Variants in USP54 observed in about 807,000 individuals in gnomAD.
USP54 encodes the protein ubiquitin specific peptidase 54, also known as ubiquitin carboxyl-terminal hydrolase 54.
USP54 carries 87 observed loss-of-function variants against 170.5 expected under a neutral mutation model. That is an observed-to-expected ratio of 0.51 (90% CI 0.43 to 0.61). USP54 has a LOEUF of 0.61. Among genes scored for constraint, USP54 ranks in the 20% least tolerant of loss-of-function variants. The probability of loss-of-function intolerance (pLI) is 0.00; values close to 1 mark genes in which losing one functional copy is unlikely to be tolerated. For missense variants in USP54, 1,786 were observed against 2,047.8 expected (o/e 0.87, Z 2.47); for synonymous variants, 655 against 742.8 (o/e 0.88, Z 1.92).
intron 3 of USP54, among the ~76,000 whole-genome samples, chr10:73,574,800 A>C (rs2133818746): frequency 6.6e-6 from 1 of 150,546 alleles, no homozygotes; most frequent in Admixed American, 6.6e-5. Context: ...TCAAGGCTGC[A>C]GGAGCTGTGA....
At chr10:73,565,206 G>T (rs2073998152) in intron 4 of USP54, among the ~76,000 whole-genome samples, 1 of 152,006 alleles carries the variant, frequency 6.6e-6, no homozygotes, top group Non-Finnish European at 1.5e-5. Flanking sequence ...ATGGTTGTTT[G>T]TTACCACAAT....
intron 1 of USP54, among the ~76,000 whole-genome samples, chr10:73,618,406 C>T (rs898046170): frequency 2.0e-5 from 3 of 150,096 alleles, no homozygotes; most frequent in South Asian, 4.1e-4. Context: ...GGACTATAGG[C>T]GCATGCTGCC....
At chr10:73,526,124 G>T (rs540782227) in intron 16 of USP54, among the ~76,000 whole-genome samples, 51 of 152,294 alleles carry the variant, frequency 3.3e-4, no homozygotes, top group African/African-American at 1.2e-3. Context: ...TCCCACAAGG[G>T]CTCCCTCCAG....
At chr10:73,534,921 T>C (rs1400493588) in intron 11 of USP54, 151 bp from the exon 12 acceptor site, 2 of 664,900 alleles carry the variant, frequency 3.0e-6, no homozygotes, top group Non-Finnish European at 4.9e-6. Flanking sequence ...AAGCCATTCT[T>C]CCCAACACCC....
At chr10:73,526,488 C>G (rs2062886327) in intron 16 of USP54, among the ~76,000 whole-genome samples, 159 bp downstream of exon 16, 1 of 152,212 alleles carries the variant, frequency 6.6e-6, no homozygotes, top group Admixed American at 6.5e-5. Flanking sequence ...CTCAGGCAAT[C>G]TGCCTGCCTC....
At chr10:73,562,403 C>T (rs996771060) in intron 4 of USP54, among the ~76,000 whole-genome samples, 2 of 152,198 alleles carry the variant, frequency 1.3e-5, no homozygotes, top group African/African-American at 4.8e-5. Context: ...CTACCCTCCA[C>T]CTTCTACAGA....
At chr10:73,565,325 T>C (rs1343496501) in intron 4 of USP54, among the ~76,000 whole-genome samples, 1 of 151,998 alleles carries the variant, frequency 6.6e-6, no homozygotes, top group Non-Finnish European at 1.5e-5. Flanking sequence ...AAAACCAGCC[T>C]AGGCAACATA....
intron 1 of USP54, among the ~76,000 whole-genome samples, chr10:73,620,215 A>G (rs2080974191): frequency 6.7e-6 from 1 of 149,782 alleles, no homozygotes; most frequent in African/African-American, 2.5e-5. Flanking sequence ...CAGGAGGCTG[A>G]GACAGGAGAA....
chr10:73,620,884 G>A (rs1430911329), intron 1 of USP54, among the ~76,000 whole-genome samples: 2 of 150,314 alleles, frequency 1.3e-5, no homozygotes, highest in East Asian at 1.9e-4. Flanking sequence ...GGTCGGATGC[G>A]GTGGCTCACC....
At chr10:73,604,691 C>T (rs998513016) in intron 1 of USP54, among the ~76,000 whole-genome samples, 38 of 151,370 alleles carry the variant, frequency 2.5e-4, no homozygotes, top group Non-Finnish European at 3.8e-4. Flanking sequence ...CCCTGATTCA[C>T]GCCATTCTCC....
rs758519835 is a variant in USP54 at position 73,620,361 on chromosome 10, T to C, written c.-18+5206A>G. Among the ~76,000 whole-genome samples, 46 of 149,992 alleles carry C rather than the reference T, an allele frequency of 3.1e-4. 2 individuals are homozygous for C. Among genetic ancestry groups the C allele is most frequent in the Non-Finnish European group, 5.0e-4 (34 of 67,964 alleles). ...AAAAGAAAGTTCTCTAGGCTTTAGT[T>C]TCCTCAATATAAAATGAATAGAATG... On this transcript the variant is annotated intron_variant, in intron 1 of 22. Transcript: ENST00000339859.
At position 73,543,557 on chromosome 10, in the gene USP54, G is replaced by A. The variant is rs12244131; in HGVS notation, c.376-426C>T. Among the ~76,000 whole-genome samples, 1,500 of 152,122 alleles carry A rather than the reference G, an allele frequency of 9.9e-3. 27 individuals are homozygous for A. Among genetic ancestry groups the A allele is most frequent in the African/African-American group, 0.033 (1,380 of 41,498 alleles). ...AATTTTTTGTATTTTTAGTAGAGAC[G>A]AGGTTTCACCGTGTTAGCCAGGATG... is the stretch of plus-strand genomic sequence containing the variant. On this transcript the variant is annotated intron_variant, in intron 5 of 23. Coordinates refer to ENST00000687698, the MANE Select transcript of USP54 (RefSeq NM_001391956.1).
At chr10:73,555,803 T>C (rs2070830836) in intron 4 of USP54, among the ~76,000 whole-genome samples, 1 of 152,196 alleles carries the variant, frequency 6.6e-6, no homozygotes, top group Non-Finnish European at 1.5e-5. Context: ...GTCTAAACTG[T>C]AGGATCTGCC....
intron 1 of USP54, among the ~76,000 whole-genome samples, chr10:73,580,777 C>T (rs1263020294): frequency 6.6e-6 from 1 of 152,042 alleles, no homozygotes; most frequent in African/African-American, 2.4e-5. Flanking sequence ...TGGTGTTTCA[C>T]CATGTTGACC....
rs781115418 is a variant in USP54 at position 73,530,428 on chromosome 10, T to C, written c.1543A>G (p.Met515Val). 5.6e-6 allele frequency: 9 copies of C among 1,614,092 alleles called. No homozygotes were observed. The East Asian group carries it at 2.0e-4, about 36-fold the overall frequency. The change falls in exon 14 of 24, where the codon ATG (methionine) becomes GTG (valine). Residue 515 changes from methionine to valine, a missense_variant. Met to Val is a conservative substitution (Grantham distance 21). Coordinates refer to ENST00000687698, the MANE Select transcript of USP54 (RefSeq NM_001391956.1). Reference sequence around the variant, plus strand: ...GCCAGGGATGGTCTGTTATGGATCATATTGCTGACTGTCTCTTTAAAATCT... The same window carrying C: ...GCCAGGGATGGTCTGTTATGGATCACATTGCTGACTGTCTCTTTAAAATCT... ...LRDFKETVSN[M>V]IHNRPSLASQ...
chr10:73,624,550 T>TA (rs1015562911), intron 1 of USP54: 2 of 151,958 alleles, frequency 1.3e-5, no homozygotes, highest in Non-Finnish European at 2.9e-5. Flanking sequence ...AACCTCAACA[T>TA]AAAAAAATCC....
chr10:73,624,159 CATATATATATATATATAT>C lies in USP54; in HGVS notation c.-18+1390_-18+1407del, dbSNP rs58238181. On this transcript the variant is annotated intron_variant, in intron 1 of 22. Coordinates refer to the USP54 transcript ENST00000339859. ...CAGCTGAAGAAGGATTTTTAAAAGCCATATATATATATATATATATATATATATATATATATGTATTTT... is the reference window on the plus strand; with the variant it reads ...CAGCTGAAGAAGGATTTTTAAAAGCCATATATATATATATATATGTATTTT... 1.9e-3 allele frequency among the ~76,000 whole-genome samples: 132 copies of C among 69,862 alleles called. 1 individual carries two copies. The highest frequency in any genetic ancestry group is 7.2e-3 in the South Asian group (14 of 1,938). 45.8% of individuals were successfully genotyped at this position (69,862 alleles called of 152,430 possible).
At chr10:73,518,531 T>C (rs1297474694) in intron 19 of USP54, among the ~76,000 whole-genome samples, 1 of 152,146 alleles carries the variant, frequency 6.6e-6, no homozygotes, top group Non-Finnish European at 1.5e-5. Flanking sequence ...CCTATCTAAA[T>C]TGCTTATATT....
chr10:73,533,978 C>T (rs796884674), intron 12 of USP54, among the ~76,000 whole-genome samples: 24 of 152,274 alleles, frequency 1.6e-4, no homozygotes, highest in African/African-American at 5.1e-4. Context: ...TAATGGGATA[C>T]TACGGGAATC....
Sources: allele counts gnomAD v4.1 joint callset (sites outside exome capture counted in the v4.1 genomes callset), GRCh38; gene constraint gnomAD v4.1.1; transcripts MANE v1.5; gene names NCBI Gene and HGNC (gene_info 2026-07-23, HGNC 2026-07-21).